The following DISC1 variants were observed in gnomAD, a reference collection of about 807,000 sequenced individuals.
DISC1 encodes disrupted in schizophrenia 1 protein.
DISC1 carries 57 observed loss-of-function variants against 84.5 expected under a neutral mutation model. That is an observed-to-expected ratio of 0.67 (90% CI 0.55 to 0.84). DISC1 has a LOEUF of 0.84. Among genes scored for constraint, DISC1 ranks in the 40% least tolerant of loss-of-function variants. The probability of loss-of-function intolerance (pLI) is 0.00; values close to 1 mark genes in which losing one functional copy is unlikely to be tolerated. For synonymous variants in DISC1, 411 were observed against 415.2 expected, an observed-to-expected ratio of 0.99 and a Z score of 0.12; for missense variants, 1,000 against 1,057.8, an observed-to-expected ratio of 0.95 and a Z score of 0.76.
chr1:231,758,136 C>T (rs1170313125), intron 4 of DISC1, among the ~76,000 whole-genome samples: 1 of 151,782 alleles, frequency 6.6e-6, no homozygotes, highest in Non-Finnish European at 1.5e-5. Context: ...TTCCATTTGT[C>T]CGTGTGGTGA....
intron 9 of DISC1, among the ~76,000 whole-genome samples, chr1:231,942,955 T>A (rs1295891858): frequency 6.6e-6 from 1 of 152,250 alleles, no homozygotes; most frequent in Non-Finnish European, 1.5e-5. Flanking sequence ...AGCCCCTTCA[T>A]AATGTCATGC....
chr1:232,012,506 C>T (rs1337954834), intron 11 of DISC1, among the ~76,000 whole-genome samples: 5 of 152,282 alleles, frequency 3.3e-5, no homozygotes, highest in African/African-American at 9.6e-5. Context: ...AATGTCTATT[C>T]GCTTTGCAGC....
intron 9 of DISC1, among the ~76,000 whole-genome samples, chr1:231,911,954 T>A (rs1043772328): frequency 1.3e-5 from 2 of 152,186 alleles, no homozygotes; most frequent in Non-Finnish European, 2.9e-5. Context: ...TTTCTTCCAC[T>A]TGATCGAATC....
chr1:231,907,167 T>C (rs1332178622), intron 9 of DISC1, among the ~76,000 whole-genome samples: 2 of 144,648 alleles, frequency 1.4e-5, no homozygotes, highest in Non-Finnish European at 3.0e-5. Context: ...CTTTCTTTCT[T>C]TCTCTTTCTT....
At chr1:231,726,145 G>A (rs756522079) in intron 3 of DISC1, among the ~76,000 whole-genome samples, 9 of 152,166 alleles carry the variant, frequency 5.9e-5, no homozygotes, top group Non-Finnish European at 1.0e-4. Context: ...AACAGGCACA[G>A]CCCCAAAATA....
intron 9 of DISC1, among the ~76,000 whole-genome samples, chr1:231,906,256 A>G (rs1286478326): frequency 2.6e-5 from 4 of 152,178 alleles, no homozygotes; most frequent in African/African-American, 9.7e-5. Context: ...TCCTGACCTC[A>G]GGTGATCTGC....
intron 3 of DISC1, chr1:231,702,227 T>C: frequency 7.6e-7 from 1 of 1,310,952 alleles, no homozygotes; most frequent in South Asian, 1.9e-5. Context: ...CTTTGGGTTA[T>C]AAATATAACC....
chr1:231,691,749 G>A (rs1022091580), intron 1 of DISC1, among the ~76,000 whole-genome samples: 7 of 152,196 alleles, frequency 4.6e-5, no homozygotes, highest in East Asian at 1.9e-4. Context: ...TCTGGAGAAC[G>A]TTTTGCCTGC....
At chr1:231,851,889 CA>C (rs1486682479) in intron 9 of DISC1, among the ~76,000 whole-genome samples, 1 of 152,092 alleles carries the variant, frequency 6.6e-6, no homozygotes, top group Admixed American at 6.5e-5. Context: ...AAGGAGGGAG[CA>C]AAGTGTTAAC....
At chr1:231,685,513 C>T (rs553784266) in intron 1 of DISC1, among the ~76,000 whole-genome samples, 12 of 152,034 alleles carry the variant, frequency 7.9e-5, no homozygotes, top group South Asian at 2.1e-4. Context: ...AATGCAATGG[C>T]GTGATCTTGG....
chr1:232,033,880 G>A (rs1670278851), intron 12 of DISC1, among the ~76,000 whole-genome samples: 1 of 152,132 alleles, frequency 6.6e-6, no homozygotes, highest in Non-Finnish European at 1.5e-5. Context: ...TCTACCTAGA[G>A]GTCACTACTT....
chr1:231,716,851 C>T (rs60289477), intron 3 of DISC1, among the ~76,000 whole-genome samples: 5,142 of 152,148 alleles, frequency 0.034, 274 homozygotes, highest in African/African-American at 0.12. Context: ...GCCTGTGCTC[C>T]TTCGTGGAAT....
At chr1:231,700,821 G>A (rs2066323245) in intron 2 of DISC1, among the ~76,000 whole-genome samples, 1 of 152,174 alleles carries the variant, frequency 6.6e-6, no homozygotes, top group Non-Finnish European at 1.5e-5. Context: ...GTATAGAGGA[G>A]GGACATTTAA....
intron 3 of DISC1, among the ~76,000 whole-genome samples, chr1:231,714,729 GGAGAGA>G (rs151303418): frequency 2.0e-5 from 3 of 148,378 alleles, no homozygotes; most frequent in African/African-American, 4.9e-5. Flanking sequence ...AAAGATATAG[GGAGAGA>G]GAGAGAGAGA....
intron 9 of DISC1, among the ~76,000 whole-genome samples, chr1:231,903,631 G>A (rs1051747907): frequency 2.0e-5 from 3 of 152,114 alleles, no homozygotes; most frequent in Non-Finnish European, 2.9e-5. Flanking sequence ...AGCAGCAGAC[G>A]AACAGTGTGG....
At chr1:231,749,471 A>G (rs10864695) in intron 3 of DISC1, among the ~76,000 whole-genome samples, 37,240 of 152,080 alleles carry the variant, frequency 0.24, 5,024 homozygotes, top group East Asian at 0.44. Flanking sequence ...CATCATTTCT[A>G]TGGCTTTAGT....
At position 232,009,057 on chromosome 1, in the gene DISC1, CT is replaced by C. The variant is rs770431148; in HGVS notation, c.2307+12del. On this transcript the variant is annotated intron_variant, in intron 11 of 12. Coordinates refer to ENST00000439617, the MANE Select transcript of DISC1 (RefSeq NM_018662.3). This position sits in a 1 kb window ranked among gnomAD's most constrained non-coding sequence, Gnocchi z 4.6. ...GGAGGTGAACAGAAAGAGGTCTGTC[CT>C]TTTCACATGGCCTCCAGAGGGGACC... 3.2e-5 allele frequency: 51 copies of C among 1,613,632 alleles called. No homozygotes were observed. The highest frequency in any genetic ancestry group is 3.9e-5 in the Non-Finnish European group (46 of 1,179,786).
chr1:231,723,215 A>G (rs2070109941), intron 3 of DISC1: 1 of 883,492 alleles, frequency 1.1e-6, no homozygotes, highest in Admixed American at 5.8e-5. Context: ...TGGATTAAGG[A>G]TCTGGAACCC....
At chr1:231,648,587 G>A (rs1427047410) in intron 1 of DISC1, among the ~76,000 whole-genome samples, 1 of 152,158 alleles carries the variant, frequency 6.6e-6, no homozygotes, top group Non-Finnish European at 1.5e-5. Flanking sequence ...GAGTTAGGGA[G>A]GATTCCCTCT....
Sources: gnomAD v4.1 joint callset for allele counts (sites outside exome capture counted in the v4.1 genomes callset) on GRCh38, gnomAD v4.1.1 for gene constraint, Gnocchi (gnomAD v3.1) non-coding constraint, MANE v1.5 for transcripts, NCBI Gene and HGNC (gene_info 2026-07-23, HGNC 2026-07-21) for gene names.